RGS7: variants seen among roughly 807,000 people sequenced by gnomAD.
RGS7 encodes the protein regulator of G-protein signaling 7.
RGS7 carries 27 observed loss-of-function variants against 81.1 expected under a neutral mutation model. That is an observed-to-expected ratio of 0.33 (90% confidence interval 0.25 to 0.46). RGS7 has a LOEUF of 0.46. RGS7 is among the 20% of genes least tolerant of loss of function. RGS7 has a pLI of 1.00. For synonymous variants in RGS7, 208 were observed against 207.7 expected (o/e 1.00, Z -0.01); for missense variants, 396 against 607.4 (o/e 0.65, Z 3.66).
At chr1:241,159,982 G>A (rs2069492785) in intron 2 of RGS7, among the ~76,000 whole-genome samples, 1 of 151,664 alleles carries the variant, frequency 6.6e-6, no homozygotes, top group Admixed American at 6.6e-5. Context: ...AGATAATATG[G>A]ACTTGAGGTT....
intron 2 of RGS7, among the ~76,000 whole-genome samples, chr1:241,151,565 CTTTTTTTTT>C (rs58097674): frequency 8.6e-6 from 1 of 116,478 alleles, no homozygotes; most frequent in Non-Finnish European, 1.8e-5. Flanking sequence ...ATTAGGAACT[CTTTTTTTTT>C]TTTTTTTTTT....
intron 3 of RGS7, among the ~76,000 whole-genome samples, chr1:241,028,636 A>G (rs12080421): frequency 0.018 from 2,671 of 152,300 alleles, 72 homozygotes; most frequent in African/African-American, 0.056. Context: ...AGAGGCAGGC[A>G]AGATGCAGGC....
At chr1:241,333,154 G>A (rs1373888342) in intron 2 of RGS7, among the ~76,000 whole-genome samples, 1 of 152,182 alleles carries the variant, frequency 6.6e-6, no homozygotes, top group African/African-American at 2.4e-5. Context: ...CCAGACCCAG[G>A]TGCTCCTTAA....
intron 3 of RGS7, among the ~76,000 whole-genome samples, chr1:241,017,200 T>C (rs2059296371): frequency 6.6e-6 from 1 of 152,104 alleles, no homozygotes; most frequent in Admixed American, 6.6e-5. Flanking sequence ...TGAAGTTATA[T>C]TTTAGATTAA....
chr1:241,009,803 A>G (rs1478727922), intron 3 of RGS7, among the ~76,000 whole-genome samples: 1 of 152,246 alleles, frequency 6.6e-6, no homozygotes, highest in African/African-American at 2.4e-5. Flanking sequence ...AGAAAGTGGA[A>G]GAAATAGGTC....
At chr1:241,339,515 T>C (rs1018401292) in intron 2 of RGS7, among the ~76,000 whole-genome samples, 1 of 152,188 alleles carries the variant, frequency 6.6e-6, no homozygotes, top group African/African-American at 2.4e-5. Flanking sequence ...TCAGTTTGGA[T>C]GCAAGTGACA....
chr1:240,816,566 T>TA (rs1690838190), intron 10 of RGS7, 151 bp from the exon 11 acceptor site: 1 of 617,756 alleles, frequency 1.6e-6, no homozygotes, highest in South Asian at 2.0e-5. Flanking sequence ...ACTGCTAAGA[T>TA]AAAAATCAAA....
chr1:241,075,626 T>C (rs1322021694), intron 3 of RGS7, among the ~76,000 whole-genome samples: 1 of 152,188 alleles, frequency 6.6e-6, no homozygotes, highest in Non-Finnish European at 1.5e-5. Flanking sequence ...CGTCTCATCA[T>C]GTTTTAAGAA....
intron 6 of RGS7, among the ~76,000 whole-genome samples, chr1:240,902,933 A>C (rs1377523716): frequency 1.3e-5 from 2 of 152,226 alleles, no homozygotes; most frequent in African/African-American, 4.8e-5. Flanking sequence ...AGAAATGCTA[A>C]TAATTCCTAG....
intron 3 of RGS7, among the ~76,000 whole-genome samples, chr1:241,021,833 C>T (rs544797458): frequency 3.3e-5 from 5 of 152,288 alleles, no homozygotes; most frequent in Non-Finnish European, 5.9e-5. Flanking sequence ...ACTCGGGGTC[C>T]TATCTTGATA....
chr1:241,043,075 T>C (rs1034072924), intron 3 of RGS7, among the ~76,000 whole-genome samples: 7 of 152,176 alleles, frequency 4.6e-5, no homozygotes, highest in African/African-American at 1.4e-4. Flanking sequence ...TTGTGAATAA[T>C]TGTTTGCTCA....
intron 9 of RGS7, among the ~76,000 whole-genome samples, chr1:240,841,823 A>G (rs1470493799): frequency 1.3e-5 from 2 of 152,158 alleles, no homozygotes; most frequent in Non-Finnish European, 2.9e-5. Context: ...TCTGCATCAC[A>G]CTTGAAAGAA....
chr1:240,948,180 T>A (rs1678965880), intron 4 of RGS7, among the ~76,000 whole-genome samples: 1 of 152,204 alleles, frequency 6.6e-6, no homozygotes, highest in South Asian at 2.1e-4. Context: ...ATTTACCTAT[T>A]TTTTTATTGA....
intron 6 of RGS7, among the ~76,000 whole-genome samples, chr1:240,883,421 G>A (rs1666779621): frequency 6.6e-6 from 1 of 152,068 alleles, no homozygotes; most frequent in South Asian, 2.1e-4. Flanking sequence ...ATGCGTTTTG[G>A]CAACTTGTAG....
chr1:240,856,831 GT>G (rs1379178966), intron 9 of RGS7, among the ~76,000 whole-genome samples: 2 of 152,144 alleles, frequency 1.3e-5, no homozygotes, highest in Non-Finnish European at 2.9e-5. Context: ...CTTATGATTA[GT>G]GTGATTTTTC....
chr1:241,019,110 C>T (rs970304111), intron 3 of RGS7, among the ~76,000 whole-genome samples: 2 of 152,042 alleles, frequency 1.3e-5, no homozygotes, highest in African/African-American at 2.4e-5. Context: ...ATGACCAGGG[C>T]CCCCAGGAGT....
intron 2 of RGS7, among the ~76,000 whole-genome samples, chr1:241,290,670 T>C (rs1413292633): frequency 1.3e-5 from 2 of 152,206 alleles, no homozygotes; most frequent in Non-Finnish European, 2.9e-5. Context: ...GGTGGAAGTA[T>C]AGCTAAAAGA....
At chr1:241,074,870 T>C (rs1453804823) in intron 3 of RGS7, among the ~76,000 whole-genome samples, 1 of 152,092 alleles carries the variant, frequency 6.6e-6, no homozygotes, top group Non-Finnish European at 1.5e-5. Flanking sequence ...GGCCCTGGAG[T>C]TTTGGCTGCA....
intron 4 of RGS7, among the ~76,000 whole-genome samples, chr1:240,954,484 G>A (rs571087681): frequency 8.6e-5 from 13 of 151,822 alleles, no homozygotes; most frequent in Non-Finnish European, 1.3e-4. Context: ...CAAGCTAAAG[G>A]TGAAAACTTA....
Sources: allele counts gnomAD v4.1 joint callset (sites outside exome capture counted in the v4.1 genomes callset), GRCh38; gene constraint gnomAD v4.1.1; transcripts MANE v1.5; gene names NCBI Gene and HGNC (gene_info 2026-07-23, HGNC 2026-07-21).